Variants in GPC6 observed in about 807,000 individuals in gnomAD.
The protein encoded by GPC6 is glypican 6, also known as glypican-6.
In GPC6, 14 loss-of-function variants were observed where a neutral mutation model predicts 55.2. That is an observed-to-expected ratio of 0.25 (90% CI 0.17 to 0.40). The LOEUF (loss-of-function observed/expected upper bound fraction) is 0.40. Ranked by LOEUF, GPC6 falls within the 10% of genes least tolerant of loss-of-function variation. The pLI is 1.00. For synonymous variants in GPC6, 278 were observed against 259.6 expected (o/e 1.07, Z -0.68); for missense variants, 641 against 708.5 (o/e 0.90, Z 1.08).
intron 2 of GPC6, among the ~76,000 whole-genome samples, chr13:93,584,839 C>T (rs1036590460): frequency 3.3e-5 from 5 of 151,850 alleles, no homozygotes; most frequent in Admixed American, 3.3e-4. Context: ...TAGGCATGCA[C>T]CACCATGTTC....
chr13:93,293,607 G>T (rs1243455941), intron 1 of GPC6, among the ~76,000 whole-genome samples: 2 of 152,142 alleles, frequency 1.3e-5, no homozygotes, highest in Non-Finnish European at 2.9e-5. Flanking sequence ...TCCCCTGGAT[G>T]GGTGATTTAT....
At chr13:94,380,341 G>A (rs771209193) in intron 6 of GPC6, among the ~76,000 whole-genome samples, 9 of 152,158 alleles carry the variant, frequency 5.9e-5, no homozygotes, top group Admixed American at 1.3e-4. Flanking sequence ...GTGGCCTATT[G>A]TGGGCACGCC....
At chr13:93,488,483 C>G (rs753781753) in intron 1 of GPC6, among the ~76,000 whole-genome samples, 59 of 152,046 alleles carry the variant, frequency 3.9e-4, no homozygotes, top group Non-Finnish European at 7.5e-4. Flanking sequence ...GGCTATATAC[C>G]CAGTAATGGG....
chr13:93,271,990 A>T (rs1877544364), intron 1 of GPC6, among the ~76,000 whole-genome samples: 1 of 152,142 alleles, frequency 6.6e-6, no homozygotes, highest in Non-Finnish European at 1.5e-5. Context: ...CTTAAGTTTT[A>T]TAGATTCTGG....
intron 6 of GPC6, among the ~76,000 whole-genome samples, chr13:94,372,335 G>C (rs1273748644): frequency 6.6e-6 from 1 of 152,174 alleles, no homozygotes; most frequent in Non-Finnish European, 1.5e-5. Context: ...CCAGACAGTG[G>C]GCGCAGGTCA....
intron 4 of GPC6, among the ~76,000 whole-genome samples, chr13:94,150,693 C>T (rs1203880486): frequency 1.3e-5 from 2 of 151,548 alleles, no homozygotes; most frequent in African/African-American, 2.4e-5. Context: ...AGCTGCTGCT[C>T]TTAAAACTAC....
At chr13:93,965,895 G>A (rs915260927) in intron 3 of GPC6, among the ~76,000 whole-genome samples, 13 of 152,110 alleles carry the variant, frequency 8.5e-5, no homozygotes, top group Admixed American at 3.9e-4. Flanking sequence ...CAATATTTTA[G>A]GCAGGAAAAT....
At chr13:93,308,676 A>C (rs971131899) in intron 1 of GPC6, among the ~76,000 whole-genome samples, 11 of 152,314 alleles carry the variant, frequency 7.2e-5, no homozygotes, top group South Asian at 4.1e-4. Context: ...TCCTGACTTC[A>C]AGTGATCTGC....
At chr13:93,754,579 A>G (rs968428439) in intron 2 of GPC6, among the ~76,000 whole-genome samples, 2 of 152,074 alleles carry the variant, frequency 1.3e-5, no homozygotes, top group African/African-American at 2.4e-5. Context: ...AAAATGTTAA[A>G]GAATGCTATT....
chr13:93,366,815 G>C (rs1881267591), intron 1 of GPC6, among the ~76,000 whole-genome samples: 1 of 151,958 alleles, frequency 6.6e-6, no homozygotes, highest in Non-Finnish European at 1.5e-5. Flanking sequence ...TCTCTCCTAT[G>C]GTTTTTTGCT....
chr13:94,146,614 T>C (rs1356209985), intron 4 of GPC6, among the ~76,000 whole-genome samples: 1 of 152,122 alleles, frequency 6.6e-6, no homozygotes, highest in African/African-American at 2.4e-5. Context: ...ATGTGCAAGA[T>C]AGAGACATGT....
At chr13:94,162,870 A>G (rs1888217190) in intron 4 of GPC6, among the ~76,000 whole-genome samples, 1 of 152,094 alleles carries the variant, frequency 6.6e-6, no homozygotes, top group African/African-American at 2.4e-5. Context: ...AACCACTCAT[A>G]TTTAATTTTC....
intron 3 of GPC6, among the ~76,000 whole-genome samples, chr13:93,910,754 C>A (rs532469153): frequency 1.3e-5 from 2 of 152,280 alleles, no homozygotes; most frequent in East Asian, 3.9e-4. Flanking sequence ...ACCCTTAATC[C>A]AGTCAACCAT....
At chr13:93,424,448 C>T (rs1411134034) in intron 1 of GPC6, among the ~76,000 whole-genome samples, 1 of 152,144 alleles carries the variant, frequency 6.6e-6, no homozygotes, top group East Asian at 1.9e-4. Context: ...GAGACATCTC[C>T]TGTCCCATCC....
chr13:94,003,054 C>T (rs576725337), intron 3 of GPC6, among the ~76,000 whole-genome samples: 3 of 152,264 alleles, frequency 2.0e-5, no homozygotes, highest in South Asian at 4.1e-4. Context: ...GTGAATAATT[C>T]GCATCTAGCT....
intron 4 of GPC6, among the ~76,000 whole-genome samples, chr13:94,249,966 A>G (rs570124881): frequency 4.6e-5 from 7 of 152,278 alleles, no homozygotes; most frequent in African/African-American, 1.7e-4. Flanking sequence ...TCTAGTGGCA[A>G]CACATATTTG....
At chr13:93,239,315 T>C (rs1334156468) in intron 1 of GPC6, among the ~76,000 whole-genome samples, 1 of 151,974 alleles carries the variant, frequency 6.6e-6, no homozygotes, top group African/African-American at 2.4e-5. Flanking sequence ...GCTTGGGGTT[T>C]TGTGTTTCCA....
At chr13:93,767,536 A>G (rs1215587559) in intron 2 of GPC6, among the ~76,000 whole-genome samples, 2 of 152,208 alleles carry the variant, frequency 1.3e-5, no homozygotes, top group Non-Finnish European at 2.9e-5. Context: ...TAGAGCTAAA[A>G]TAACCCCATT....
At chr13:94,020,183 T>C (rs1882642647) in intron 3 of GPC6, among the ~76,000 whole-genome samples, 1 of 152,196 alleles carries the variant, frequency 6.6e-6, no homozygotes, top group African/African-American at 2.4e-5. Flanking sequence ...TGTTGTGTTT[T>C]CATTTTCATT....
Sources: allele counts gnomAD v4.1 joint callset (sites outside exome capture counted in the v4.1 genomes callset), GRCh38; gene constraint gnomAD v4.1.1; transcripts MANE v1.5; gene names NCBI Gene and HGNC (gene_info 2026-07-23, HGNC 2026-07-21).